Variants in XPO6 observed in about 807,000 individuals in gnomAD.
The protein encoded by XPO6 is exportin-6.
Under a neutral mutation model 130.0 loss-of-function variants are expected in XPO6, and 3 were observed. The ratio of observed to expected loss-of-function variants is 0.02; its 90% confidence interval spans 0.01 to 0.06. XPO6 has a LOEUF of 0.06. XPO6 is among the 10% of genes least tolerant of loss of function. The probability of loss-of-function intolerance (pLI) is 1.00; values close to 1 mark genes in which losing one functional copy is unlikely to be tolerated. For missense variants in XPO6, 970 were observed against 1,393.0 expected (o/e 0.70, Z 4.83); for synonymous variants, 524 against 548.9 (o/e 0.95, Z 0.63).
At chr16:28,203,590 T>C (rs2043984325) in intron 1 of XPO6, among the ~76,000 whole-genome samples, 1 of 152,190 alleles carries the variant, frequency 6.6e-6, no homozygotes, top group South Asian at 2.1e-4. Flanking sequence ...CCATCTCCTG[T>C]CATCTCTTCC....
chr16:28,170,301 C>A (rs146137776), intron 4 of XPO6, among the ~76,000 whole-genome samples: 2,195 of 144,486 alleles, frequency 0.015, 65 homozygotes, highest in African/African-American at 0.055. Flanking sequence ...CATTGCATTC[C>A]AGCCTGGGCA....
chr16:28,152,649 G>C lies in XPO6; in HGVS notation c.1224+10C>G, dbSNP rs773152006. On this transcript the variant is annotated intron_variant, in intron 8 of 23. Transcript: ENST00000304658. Reference sequence around the variant, plus strand: ...TTCTCTGGAAGGGAAGGATGACTTTGGTGCTTTACCTGATGAAATGTGTAC... The same window carrying C: ...TTCTCTGGAAGGGAAGGATGACTTTCGTGCTTTACCTGATGAAATGTGTAC... The C allele has an allele frequency of 6.2e-7, 1 of 1,604,576 alleles. No homozygotes were observed. The highest frequency in any genetic ancestry group is 1.7e-5 in the Admixed American group (1 of 58,194).
intron 5 of XPO6, 73 bp downstream of exon 5, chr16:28,169,677 G>A: frequency 6.4e-7 from 1 of 1,563,624 alleles, no homozygotes. Flanking sequence ...GCTCAAAGCT[G>A]CTGAGTGCCA....
At position 28,146,096 on chromosome 16, in the gene XPO6, G is replaced by A; in HGVS notation, c.1332C>T (p.Asn444=). The part of the protein sequence containing the change: ...SRLGDKEAVL[N]RYEDALVLLL... ...TTTTCAGTGTTTGAGGAGTTTACCT[G>A]TTGAGAACTGCTTCCTTGTCTCCAA... The change falls in exon 9 of 24, where the codon AAC becomes AAT. Residue 444 remains asparagine (N), a splice_region_variant and synonymous_variant. Coordinates refer to ENST00000304658, the MANE Select transcript of XPO6 (RefSeq NM_015171.4). 1 of 1,611,360 alleles carries A rather than the reference G, an allele frequency of 6.2e-7. No individual in the cohort carries two copies. Among genetic ancestry groups the A allele is most frequent in the Non-Finnish European group, 8.5e-7 (1 of 1,177,768 alleles).
Position 28,133,891 on chromosome 16 carries a change from C to A in XPO6, c.1486G>T (p.Val496Leu), listed in dbSNP as rs1354973826. 1.2e-6 allele frequency: 2 copies of A among 1,613,964 alleles called. No homozygotes were observed. The highest frequency in any genetic ancestry group is 2.7e-5 in the African/African-American group (2 of 74,882). The change falls in exon 11 of 24, where the codon GTG (valine) becomes TTG (leucine). Residue 496 changes from valine to leucine, a missense_variant. By Grantham distance (32) the Val-to-Leu change is conservative. This residue lies in a region of XPO6 where 936 missense variants were observed against 1,306.8 expected (regional missense o/e 0.72). Transcript: ENST00000304658. ...WQRYLRQSLE[V>L]VAKVMELLPT... is the part of the protein sequence containing the mutation. ...AGGAGCTCCATCACTTTGGCCACCA[C>A]CTCCAAGCTCTGCCGTAAGTACCGC... is the stretch of plus-strand genomic sequence containing the variant.
At chr16:28,103,941 G>A (rs774685449) in intron 21 of XPO6, among the ~76,000 whole-genome samples, 4 of 152,330 alleles carry the variant, frequency 2.6e-5, no homozygotes, top group South Asian at 2.1e-4. Context: ...AGATGAGAAC[G>A]TCAGACACTT....
At chr16:28,107,403 G>T in intron 18 of XPO6, 119 bp downstream of exon 18, 1 of 1,225,206 alleles carries the variant, frequency 8.2e-7, no homozygotes, top group South Asian at 1.4e-5. Flanking sequence ...ACCGGGTTTC[G>T]TTGCACGGAA....
At chr16:28,187,639 A>G (rs2043716799) in intron 1 of XPO6, among the ~76,000 whole-genome samples, 1 of 150,216 alleles carries the variant, frequency 6.7e-6, no homozygotes, top group African/African-American at 2.5e-5. Context: ...CATAGATATT[A>G]GGCTTCTCTA....
chr16:28,117,709 CTT>C (rs1442952333), intron 14 of XPO6, among the ~76,000 whole-genome samples: 3 of 152,234 alleles, frequency 2.0e-5, no homozygotes, highest in African/African-American at 4.8e-5. Context: ...CTTATTCAAT[CTT>C]TCTGTGACAC....
At position 28,135,291 on chromosome 16, in the gene XPO6, C is replaced by G. The variant is rs1411168268; in HGVS notation, c.1368G>C (p.Glu456Asp). 6.2e-7 allele frequency: 1 copy of G among 1,613,844 alleles called. No individual in the cohort carries two copies. Among genetic ancestry groups the G allele is most frequent in the Non-Finnish European group, 8.5e-7 (1 of 1,179,930 alleles). The change falls in exon 10 of 24, where the codon GAG (glutamate) becomes GAC (aspartate). Residue 456 changes from glutamate to aspartate, a missense_variant. Glu to Asp is a conservative substitution (Grantham distance 45, BLOSUM62 2). Around this residue, in one of 4 missense-constraint regions of XPO6, gnomAD observed 936 missense variants for 1,306.8 expected, o/e 0.72. Transcript: ENST00000304658. Reference protein sequence around the residue: ...YEDALVLLLTEVLNRIQFRYN... With the variant: ...YEDALVLLLTDVLNRIQFRYN... Reference sequence around the variant, plus strand: ...ATCTGAACTGGATTCGATTCAACACCTCTGTGAGCAGGAGCACCAGGGCAT... The same window carrying G: ...ATCTGAACTGGATTCGATTCAACACGTCTGTGAGCAGGAGCACCAGGGCAT...
chr16:28,143,049 A>G (rs990054868), intron 9 of XPO6, among the ~76,000 whole-genome samples: 1 of 152,216 alleles, frequency 6.6e-6, no homozygotes, highest in Non-Finnish European at 1.5e-5. Flanking sequence ...GCATTATATG[A>G]AAGTGTTATG....
At chr16:28,150,761 C>T (rs912176152) in intron 8 of XPO6, among the ~76,000 whole-genome samples, 3 of 152,110 alleles carry the variant, frequency 2.0e-5, no homozygotes, top group African/African-American at 7.2e-5. Flanking sequence ...TTCTGTTACG[C>T]TATTTAACAC....
At chr16:28,121,916 T>C (rs576864494) in intron 13 of XPO6, among the ~76,000 whole-genome samples, 154 bp from the exon 14 acceptor site, 1 of 151,230 alleles carries the variant, frequency 6.6e-6, no homozygotes, top group East Asian at 1.9e-4. Flanking sequence ...GCCAAGGAAA[T>C]AATCTGAGAT....
intron 5 of XPO6, 136 bp downstream of exon 5, chr16:28,169,614 T>A (rs2043417308): frequency 9.3e-7 from 1 of 1,075,150 alleles, no homozygotes; most frequent in East Asian, 2.4e-5. Flanking sequence ...GCTATAGGTG[T>A]TGGGAACGCA....
Position 28,132,383 on chromosome 16 carries a change from A to C in XPO6, c.1557T>G (p.Asn519Lys), listed in dbSNP as rs949219722. ...FSTLFPVLQD[N>K]LEVYLGLQQF... is the part of the protein sequence containing the mutation. ...GTTGTAATCCCAAATAAACTTCTAA[A>C]TTGTCCTGAAGAACAGGGAACTGAA... The change falls in exon 12 of 24, where the codon AAT (asparagine) becomes AAG (lysine). Residue 519 changes from asparagine (N) to lysine (K), a missense_variant. Asn to Lys is a moderately conservative substitution (Grantham distance 94). Transcript: ENST00000304658. The surrounding 1 kb of genome is among the most constrained non-coding windows in gnomAD (Gnocchi z 4.0). The C allele has an allele frequency of 2.5e-6, 4 of 1,606,826 alleles. No individual in the cohort carries two copies. Among genetic ancestry groups the C allele is most frequent in the Non-Finnish European group, 3.4e-6 (4 of 1,176,680 alleles).
chr16:28,197,744 GTC>G (rs1185117602), intron 1 of XPO6, among the ~76,000 whole-genome samples: 1 of 151,186 alleles, frequency 6.6e-6, no homozygotes, highest in Non-Finnish European at 1.5e-5. Context: ...GTGAAACCCC[GTC>G]TCTACTAAAA....
At chr16:28,127,601 G>A (rs2042585777) in intron 12 of XPO6, among the ~76,000 whole-genome samples, 1 of 152,144 alleles carries the variant, frequency 6.6e-6, no homozygotes. Flanking sequence ...AAACACGGAT[G>A]GGTGGCACCT....
At chr16:28,108,932 GT>G (rs2086849180) in intron 17 of XPO6, among the ~76,000 whole-genome samples, 1 of 152,176 alleles carries the variant, frequency 6.6e-6, no homozygotes, top group Non-Finnish European at 1.5e-5. Context: ...CCTGGTCCTG[GT>G]CCCCCAGTCA....
rs554959216 is a variant in XPO6 at position 28,165,627 on chromosome 16, C to T, written c.643+881G>A. 7.9e-5 allele frequency among the ~76,000 whole-genome samples: 12 copies of T among 152,342 alleles called. No individual in the cohort carries two copies. In the South Asian group the frequency reaches 2.5e-3, roughly 32 times the overall value. ...AACTCTGTAAGAATTTCAGCTTCCA[C>T]ATACTAACAACAGGCTACATAAAAC... On this transcript the variant is annotated intron_variant, in intron 6 of 23. Transcript: ENST00000304658.
Sources: gnomAD v4.1 joint callset for allele counts (sites outside exome capture counted in the v4.1 genomes callset) on GRCh38, gnomAD v4.1.1 for gene constraint, gnomAD v4.1.1 regional missense constraint, Gnocchi (gnomAD v3.1) non-coding constraint, MANE v1.5 for transcripts, NCBI Gene and HGNC (gene_info 2026-07-23, HGNC 2026-07-21) for gene names.